UPK3A: variants seen among roughly 807,000 people sequenced by gnomAD.
UPK3A encodes uroplakin 3A, also known as uroplakin-3a.
UPK3A carries 32 observed loss-of-function variants against 27.6 expected under a neutral mutation model. The ratio of observed to expected loss-of-function variants is 1.16; its 90% CI spans 0.87 to 1.55. UPK3A has a LOEUF of 1.55. UPK3A is among the 40% of genes most tolerant of loss of function. UPK3A has a pLI of 0.00. For synonymous variants in UPK3A, 171 were observed against 163.9 expected (o/e 1.04, Z -0.33); for missense variants, 370 against 367.9 (o/e 1.01, Z -0.05).
chr22:45,293,972 G>T (rs917892010), intron 5 of UPK3A, among the ~76,000 whole-genome samples: 1 of 152,128 alleles, frequency 6.6e-6, no homozygotes, highest in Admixed American at 6.6e-5. Context: ...GTTTAGCAGG[G>T]CTGTGGGTGG....
rs1478966643 is a variant in UPK3A, at chr22:45,286,099, A to G, written c.208+3A>G. The stretch of plus-strand genomic sequence containing the variant: ...CCTGTATGTCCTGGTCGACTCAGGT[A>G]AGGGTCCTGCTTCCCTCTGGCTACT... On this transcript the variant is annotated splice_donor_region_variant and intron_variant, in intron 2 of 5. Transcript: ENST00000216211. 3.7e-6 allele frequency: 6 copies of G among 1,614,084 alleles called. No homozygotes were observed. The highest frequency in any genetic ancestry group is 2.2e-5 in the East Asian group (1 of 44,882).
At position 45,287,220 on chromosome 22, in the gene UPK3A, G is replaced by A. The variant is rs913536777; in HGVS notation, c.257G>A (p.Gly86Asp). 1 of 1,614,086 alleles carries A rather than the reference G, an allele frequency of 6.2e-7. No individual in the cohort carries two copies. Among genetic ancestry groups the A allele is most frequent in the African/African-American group, 1.3e-5 (1 of 74,924 alleles). ...SVQDSTNTPL[G>D]STFLQTEGGR... ...CAAGACAGCACCAACACCCCACTGGGCTCAACGTTCCTACAAACAGAGGGT... is the reference window on the plus strand; with the variant it reads ...CAAGACAGCACCAACACCCCACTGGACTCAACGTTCCTACAAACAGAGGGT... Residue 86 changes from glycine (G) to aspartate (D), a missense_variant, in exon 3 of 6, where the codon GGC becomes GAC. Gly to Asp is a moderately conservative substitution (Grantham distance 94). Transcript: ENST00000216211.
At position 45,287,316 on chromosome 22, in the gene UPK3A, C is replaced by A; in HGVS notation, c.353C>A (p.Ala118Asp). 1.2e-6 allele frequency: 2 copies of A among 1,614,216 alleles called. No homozygotes were observed. The highest frequency in any genetic ancestry group is 1.7e-6 in the Non-Finnish European group (2 of 1,180,042). ...TGCAGTGACCTGCCCAGCCTGGATG[C>A]CATTGGGGATGTGTCCAAGGCCTCA... ...IPCSDLPSLD[A>D]IGDVSKASQI... is the part of the protein sequence containing the mutation. Residue 118 changes from alanine to aspartate, a missense_variant, in exon 3 of 6, where the codon GCC becomes GAC. Ala to Asp is a moderately radical substitution (Grantham distance 126). Coordinates refer to ENST00000216211, the MANE Select transcript of UPK3A (RefSeq NM_006953.4).
intron 1 of UPK3A, 67 bp downstream of exon 1, chr22:45,285,132 G>T (rs1038312695): frequency 1.5e-5 from 21 of 1,424,110 alleles, no homozygotes; most frequent in Non-Finnish European, 1.7e-5. Context: ...TGGGGCGCCC[G>T]CCGCCTGGAC....
Position 45,285,923 on chromosome 22 carries a change from C to A in UPK3A, c.53-18C>A. On this transcript the variant is annotated intron_variant, in intron 1 of 5. Coordinates refer to ENST00000216211, the MANE Select transcript of UPK3A (RefSeq NM_006953.4). ...AGTTCTGCCGGAGGTCAGTTCCCAT[C>A]CTCACTGCCTCCTCCAGCTGTGAAC... 1 of 1,613,578 alleles carries A rather than the reference C, an allele frequency of 6.2e-7. No individual in the cohort carries two copies. The highest frequency in any genetic ancestry group is 8.5e-7 in the Non-Finnish European group (1 of 1,179,996).
rs1257799894 is a variant in UPK3A at position 45,295,845 on chromosome 22, A to C, written c.*126A>C. The C allele has an allele frequency of 8.9e-7, 1 of 1,127,858 alleles. No individual in the cohort carries two copies. The highest frequency in any genetic ancestry group is 1.3e-6 in the Non-Finnish European group (1 of 775,656). 69.9% of individuals were successfully genotyped at this position (1,127,858 alleles called of 1,614,324 possible). A position where few individuals can be genotyped will look rare whatever the true frequency, so the allele number is the denominator to read the frequency against. On this transcript the variant is annotated 3_prime_UTR_variant, in exon 6 of 6. Coordinates refer to ENST00000216211, the MANE Select transcript of UPK3A (RefSeq NM_006953.4). ...GGCTTGTCCCTCCAACTGCAGGAAA[A>C]CCCTTAATAAAATCTTCTGATGAGT...
chr22:45,287,041 C>A, intron 2 of UPK3A, 131 bp from the exon 3 acceptor site: 1 of 1,385,490 alleles, frequency 7.2e-7, no homozygotes, highest in African/African-American at 1.4e-5. Flanking sequence ...CTAAGTTTGC[C>A]CCATGCCTGT....
chr22:45,289,783 A>G (rs1022497308), intron 4 of UPK3A, among the ~76,000 whole-genome samples: 5 of 150,892 alleles, frequency 3.3e-5, no homozygotes, highest in South Asian at 4.2e-4. Flanking sequence ...TGAACCTGGA[A>G]CTTCCTCCTT....
Position 45,295,620 on chromosome 22 carries a change from TC to T in UPK3A, c.768del (p.Lys257SerfsTer13). On this transcript the variant is annotated frameshift_variant, in exon 6 of 6. Coordinates refer to ENST00000216211, the MANE Select transcript of UPK3A (RefSeq NM_006953.4). LOFTEE classifies it high-confidence loss of function. Reference sequence around the variant, plus strand: ...ACTCCCAAATCACTCAGGAGGCTGTTCCCAAGTCGCTGGGGGCCTCGGAGTC... The same window carrying T: ...ACTCCCAAATCACTCAGGAGGCTGTTCCAAGTCGCTGGGGGCCTCGGAGTC... ...HDSQITQEAV[P>X]KSLGASESSY... 2.5e-6 allele frequency: 4 copies of T among 1,613,962 alleles called. No homozygotes were observed. The highest frequency in any genetic ancestry group is 3.4e-6 in the Non-Finnish European group (4 of 1,180,024).
intron 5 of UPK3A, 121 bp downstream of exon 5, chr22:45,293,434 C>G: frequency 1.5e-6 from 2 of 1,325,568 alleles, no homozygotes; most frequent in Non-Finnish European, 2.1e-6. Flanking sequence ...AGGAAGCTAC[C>G]CTCTGCCCCG....
At chr22:45,285,145 T>A in intron 1 of UPK3A, 80 bp downstream of exon 1, 1 of 1,317,872 alleles carries the variant, frequency 7.6e-7, no homozygotes, top group Non-Finnish European at 1.0e-6. Flanking sequence ...GCCTGGACCC[T>A]GATTCCTGGC....
intron 3 of UPK3A, among the ~76,000 whole-genome samples, chr22:45,288,226 G>A (rs536574049): frequency 1.5e-4 from 23 of 150,502 alleles, no homozygotes; most frequent in African/African-American, 9.8e-5. Context: ...ATGGAGTTTC[G>A]CTCTTGTTGC....
intron 1 of UPK3A, among the ~76,000 whole-genome samples, chr22:45,285,526 G>A (rs2084111408): frequency 6.6e-6 from 1 of 152,138 alleles, no homozygotes; most frequent in Admixed American, 6.5e-5. Flanking sequence ...AGAACTTCAG[G>A]ACCTCACTGC....
intron 4 of UPK3A, among the ~76,000 whole-genome samples, chr22:45,290,417 T>G (rs2084152232): frequency 6.6e-6 from 1 of 152,078 alleles, no homozygotes; most frequent in Admixed American, 6.5e-5. Flanking sequence ...CGCGAGTGGG[T>G]GGTAGAAAGC....
chr22:45,290,818 T>C (rs1290601635), intron 4 of UPK3A, among the ~76,000 whole-genome samples: 1 of 152,098 alleles, frequency 6.6e-6, no homozygotes, highest in African/African-American at 2.4e-5. Flanking sequence ...GCAGTGGCAT[T>C]AGAGTGTCAC....
At chr22:45,294,787 A>G (rs1289802627) in intron 5 of UPK3A, among the ~76,000 whole-genome samples, 1 of 151,324 alleles carries the variant, frequency 6.6e-6, no homozygotes, top group Non-Finnish European at 1.5e-5. Flanking sequence ...TGCGATCTGT[A>G]CCATCGCTCC....
intron 3 of UPK3A, among the ~76,000 whole-genome samples, chr22:45,288,333 C>A (rs765218414): frequency 6.6e-6 from 1 of 151,736 alleles, no homozygotes; most frequent in Non-Finnish European, 1.5e-5. Context: ...GTAGCTGGGA[C>A]TACAGGCGCC....
At chr22:45,291,620 T>G (rs1325997397) in intron 4 of UPK3A, among the ~76,000 whole-genome samples, 1 of 141,026 alleles carries the variant, frequency 7.1e-6, no homozygotes, top group Non-Finnish European at 1.5e-5. Context: ...TGTGTGTGTG[T>G]GGGAGTTGGT....
At chr22:45,287,554 T>C (rs2084128259) in intron 3 of UPK3A, 103 bp downstream of exon 3, 11 of 1,443,250 alleles carry the variant, frequency 7.6e-6, no homozygotes, top group South Asian at 3.7e-5. Context: ...TGAGAACTTA[T>C]ATGCTGAGAA....
Sources: allele counts gnomAD v4.1 joint callset (sites outside exome capture counted in the v4.1 genomes callset), GRCh38; gene constraint gnomAD v4.1.1; transcripts MANE v1.5; gene names NCBI Gene and HGNC (gene_info 2026-07-23, HGNC 2026-07-21).